Variants in NCOA1 observed in about 807,000 individuals in gnomAD.
The protein encoded by NCOA1 is nuclear receptor coactivator 1, also known as Hin-2 protein.
In NCOA1, 35 loss-of-function variants were observed where a neutral mutation model predicts 150.9. The ratio of observed to expected loss-of-function variants is 0.23; its 90% CI spans 0.18 to 0.31. The LOEUF (loss-of-function observed/expected upper bound fraction) is 0.31. Ranked by LOEUF, NCOA1 falls within the 10% of genes least tolerant of loss-of-function variation. The pLI is 1.00. For missense variants in NCOA1, 1,491 were observed against 1,749.3 expected (o/e 0.85, Z 2.63); for synonymous variants, 590 against 630.0 (o/e 0.94, Z 0.95).
chr2:24,720,468 G>A (rs1248464236), intron 14 of NCOA1, among the ~76,000 whole-genome samples: 3 of 152,164 alleles, frequency 2.0e-5, no homozygotes, highest in African/African-American at 7.2e-5. Context: ...CCGGAGTACA[G>A]CTCCATAAGT....
chr2:24,543,551 C>T (rs1665486601), intron 1 of NCOA1, among the ~76,000 whole-genome samples: 1 of 151,998 alleles, frequency 6.6e-6, no homozygotes, highest in Non-Finnish European at 1.5e-5. Flanking sequence ...TAAACAGATA[C>T]TACAATGTAG....
rs1275664231 is a variant in NCOA1, at chr2:24,768,294, A to G, written c.4229A>G (p.Asn1410Ser). The G allele has an allele frequency of 1.2e-6, 2 of 1,613,928 alleles. No individual in the cohort carries two copies. Among genetic ancestry groups the G allele is most frequent in the South Asian group, 2.2e-5 (2 of 91,058 alleles). ...CTGGTAGGCGGGGACCCTTACCTGA[A>G]CCAGCCTGGTCCACTGGGAACTCAA... ...VNLVGGDPYL[N>S]QPGPLGTQKP... The change falls in exon 23 of 23, where the codon AAC becomes AGC. Residue 1410 changes from asparagine (N) to serine (S), a missense_variant. Transcript: ENST00000348332.
Position 24,768,791 on chromosome 2 carries a change from G to A in NCOA1, c.*400G>A, listed in dbSNP as rs1665195644. ...CGCCGCTTAGTCCCAACCCTGCCCA[G>A]GAAGAAGGGCCCGTGGGGCTTTGCC... is the stretch of plus-strand genomic sequence containing the variant. On this transcript the variant is annotated 3_prime_UTR_variant, in exon 23 of 23. Transcript: ENST00000348332. The A allele has an allele frequency of 4.4e-6, 1 of 226,572 alleles. No homozygotes were observed. The highest frequency in any genetic ancestry group is 5.7e-5 in the Admixed American group (1 of 17,588). The allele number at this position is 226,572 out of a possible 1,614,324, so 14.0% of individuals were successfully genotyped here.
At chr2:24,660,021 G>A (rs1260450996) in intron 5 of NCOA1, among the ~76,000 whole-genome samples, 1 of 152,012 alleles carries the variant, frequency 6.6e-6, no homozygotes. Flanking sequence ...AGAATGCCAG[G>A]GCTCCAGGCT....
At chr2:24,599,310 AT>A (rs140916949) in intron 3 of NCOA1, among the ~76,000 whole-genome samples, 1 of 152,318 alleles carries the variant, frequency 6.6e-6, no homozygotes, top group African/African-American at 2.4e-5. Flanking sequence ...GTATCTTCCT[AT>A]TAAGGGATGT....
intron 1 of NCOA1, among the ~76,000 whole-genome samples, chr2:24,512,834 C>T (rs1343220981): frequency 6.6e-6 from 1 of 152,196 alleles, no homozygotes; most frequent in Non-Finnish European, 1.5e-5. Context: ...CTGGACTCAT[C>T]TCTGACTGCT....
intron 19 of NCOA1, among the ~76,000 whole-genome samples, chr2:24,747,082 C>A (rs1241410935): frequency 2.0e-5 from 3 of 151,906 alleles, no homozygotes; most frequent in Non-Finnish European, 4.4e-5. Context: ...AAAAGACCAA[C>A]ACTAAAAACA....
At chr2:24,766,970 T>C (rs896687982) in intron 22 of NCOA1, among the ~76,000 whole-genome samples, 16 of 151,902 alleles carry the variant, frequency 1.1e-4, no homozygotes, top group African/African-American at 3.9e-4. Context: ...AGAAAAGCAG[T>C]GCAAATCTAA....
At chr2:24,497,498 C>A (rs568270269) in intron 1 of NCOA1, among the ~76,000 whole-genome samples, 1 of 152,094 alleles carries the variant, frequency 6.6e-6, no homozygotes, top group South Asian at 2.1e-4. Flanking sequence ...ATGGTGACAC[C>A]CTGTCTCTAC....
At chr2:24,504,522 A>G (rs970354915) in intron 1 of NCOA1, among the ~76,000 whole-genome samples, 1 of 152,196 alleles carries the variant, frequency 6.6e-6, no homozygotes. Context: ...AAATTGGTAG[A>G]CCCTGCTTGG....
intron 1 of NCOA1, among the ~76,000 whole-genome samples, chr2:24,508,005 T>G (rs75334773): frequency 0.013 from 2,014 of 152,320 alleles, 19 homozygotes; most frequent in Non-Finnish European, 0.019. Context: ...AATTTCAGAT[T>G]AATTTTCATT....
At position 24,686,295 on chromosome 2, in the gene NCOA1, G is replaced by A. The variant is rs114008427; in HGVS notation, c.532+3167G>A. 9.6e-3 allele frequency among the ~76,000 whole-genome samples: 1,457 copies of A among 152,244 alleles called. 22 individuals carry two copies. Among genetic ancestry groups the A allele is most frequent in the African/African-American group, 0.033 (1,384 of 41,540 alleles). ...TGGGATTACAGGAGTCAGCCACCAC[G>A]CCTGACCCTGTTCTTCTTTTTTGAA... On this transcript the variant is annotated intron_variant, in intron 8 of 22. Transcript: ENST00000348332.
chr2:24,536,817 A>G (rs1665167476), intron 1 of NCOA1, among the ~76,000 whole-genome samples: 1 of 152,114 alleles, frequency 6.6e-6, no homozygotes, highest in African/African-American at 2.4e-5. Context: ...AACAGCAAAT[A>G]CTACTGCCTG....
intron 19 of NCOA1, among the ~76,000 whole-genome samples, chr2:24,751,352 G>A (rs1406663932): frequency 6.6e-6 from 1 of 151,560 alleles, no homozygotes; most frequent in Non-Finnish European, 1.5e-5. Flanking sequence ...GGAGGCCAAG[G>A]CGGGTGGATC....
chr2:24,636,113 T>C (rs551018065), intron 3 of NCOA1, among the ~76,000 whole-genome samples: 2 of 152,318 alleles, frequency 1.3e-5, no homozygotes, highest in Admixed American at 6.5e-5. Flanking sequence ...TTTGTATTTA[T>C]TGATAGTAAA....
chr2:24,642,993 G>T (rs1670300226), intron 3 of NCOA1, among the ~76,000 whole-genome samples: 2 of 152,148 alleles, frequency 1.3e-5, no homozygotes, highest in South Asian at 4.1e-4. Context: ...ATTATAAACA[G>T]CATGAAACAA....
chr2:24,692,142 T>C (rs1672694758), intron 9 of NCOA1, among the ~76,000 whole-genome samples: 1 of 152,200 alleles, frequency 6.6e-6, no homozygotes, highest in African/African-American at 2.4e-5. Flanking sequence ...ATGAACATGG[T>C]GTCAACATGG....
chr2:24,627,953 T>A (rs2148423569), intron 3 of NCOA1, among the ~76,000 whole-genome samples: 1 of 152,308 alleles, frequency 6.6e-6, no homozygotes, highest in Admixed American at 6.5e-5. Context: ...GTGTTTTAGT[T>A]TTTCTTCCTC....
Position 24,691,619 on chromosome 2 carries a change from T to C in NCOA1, c.671T>C (p.Phe224Ser). Residue 224 changes from phenylalanine to serine, a missense_variant, in exon 9 of 23, where the codon TTC becomes TCC. By Grantham distance (155) the Phe-to-Ser change is radical (BLOSUM62 -2). Coordinates refer to ENST00000348332, the MANE Select transcript of NCOA1 (RefSeq NM_003743.5). ...CAGCGTTATGAAGTAATGCAGTGTTTCACTGTGTCACAGCCAAAATCAATT... is the reference window on the plus strand; with the variant it reads ...CAGCGTTATGAAGTAATGCAGTGTTCCACTGTGTCACAGCCAAAATCAATT... Reference protein sequence around the residue: ...ACQRYEVMQCFTVSQPKSIQE... With the variant: ...ACQRYEVMQCSTVSQPKSIQE... 6.2e-7 allele frequency: 1 copy of C among 1,614,042 alleles called. No individual in the cohort carries two copies. Among genetic ancestry groups the C allele is most frequent in the Non-Finnish European group, 8.5e-7 (1 of 1,179,932 alleles).
Sources: gnomAD v4.1 joint callset for allele counts (sites outside exome capture counted in the v4.1 genomes callset) on GRCh38, gnomAD v4.1.1 for gene constraint, MANE v1.5 for transcripts, NCBI Gene and HGNC (gene_info 2026-07-23, HGNC 2026-07-21) for gene names.